Variants in SRC observed in about 807,000 individuals in gnomAD.
SRC encodes the protein proto-oncogene tyrosine-protein kinase Src.
In SRC, 13 loss-of-function variants were observed where a neutral mutation model predicts 62.9. That is an observed-to-expected ratio of 0.21 (90% CI 0.13 to 0.33). The LOEUF (loss-of-function observed/expected upper bound fraction) is 0.33. SRC is among the 10% of genes least tolerant of loss of function. The pLI is 1.00. For missense variants in SRC, 457 were observed against 737.3 expected, an observed-to-expected ratio of 0.62 and a Z score of 4.40; for synonymous variants, 302 against 317.5, an observed-to-expected ratio of 0.95 and a Z score of 0.52.
intron 9 of SRC, 102 bp from the exon 10 acceptor site, chr20:37,400,013 G>A: frequency 8.4e-7 from 1 of 1,195,222 alleles, no homozygotes; most frequent in Non-Finnish European, 1.1e-6. Flanking sequence ...CATGGCTGTG[G>A]AGGCCACAGC....
chr20:37,380,170 G>A (rs747427565), intron 2 of SRC, among the ~76,000 whole-genome samples: 2 of 152,082 alleles, frequency 1.3e-5, no homozygotes, highest in Non-Finnish European at 2.9e-5. Context: ...GCTCAAGGAC[G>A]TTCTGCTCGG....
intron 9 of SRC, among the ~76,000 whole-genome samples, chr20:37,399,498 T>G (rs1333228542): frequency 6.6e-6 from 1 of 151,970 alleles, no homozygotes; most frequent in African/African-American, 2.4e-5. Flanking sequence ...ACCGGTTGAG[T>G]TGGAACCTTG....
rs149158994 is a variant in SRC at position 37,396,303 on chromosome 20, A to G, written c.695A>G (p.Tyr232Cys). 5.0e-6 allele frequency: 8 copies of G among 1,613,344 alleles called. No homozygotes were observed. The highest frequency in any genetic ancestry group is 5.1e-6 in the Non-Finnish European group (6 of 1,179,952). The change falls in exon 8 of 14, where the codon TAC becomes TGC. Residue 232 changes from tyrosine to cysteine, a missense_variant. By Grantham distance (194) the Tyr-to-Cys change is radical (BLOSUM62 -2). Transcript: ENST00000373578. This position sits in a 1 kb window ranked among gnomAD's most constrained non-coding sequence, Gnocchi z 6.1. ...AACAGCCTGCAGCAGCTGGTGGCCT[A>G]CTACTCCAGTGAGCCAGCCTCGGAG... is the stretch of plus-strand genomic sequence containing the variant. ...QFNSLQQLVA[Y>C]YSKHADGLCH... is the part of the protein sequence containing the mutation.
At chr20:37,368,518 C>CTTTTGTTTTTTTTTTTTTTT (rs2070101278) in intron 2 of SRC, among the ~76,000 whole-genome samples, 1 of 73,898 alleles carries the variant, frequency 1.4e-5, no homozygotes, top group Non-Finnish European at 2.7e-5. Flanking sequence ...CCTATATTTT[C>CTTTTGTTTTTTTTTTTTTTT]TTTTTTTTTT....
rs745420108 is a variant in SRC at position 37,405,935 on chromosome 20, A to C, written c.*2556A>C. 2 of 152,212 alleles carry C rather than the reference A, an allele frequency of 1.3e-5. No homozygotes were observed. Among genetic ancestry groups the C allele is most frequent in the Admixed American group, 1.3e-4 (2 of 15,262 alleles). 9.4% of individuals were successfully genotyped at this position (152,212 alleles called of 1,614,324 possible). A position where few individuals can be genotyped will look rare whatever the true frequency, so the allele number is the denominator to read the frequency against. ...ACACAGTCTTGAAGGTTGATTTGCAACCGTCTATACAAACACATTTATTTT... is the reference window on the plus strand; with the variant it reads ...ACACAGTCTTGAAGGTTGATTTGCACCCGTCTATACAAACACATTTATTTT... On this transcript the variant is annotated 3_prime_UTR_variant, in exon 14 of 14. Coordinates refer to ENST00000373578, the MANE Select transcript of SRC (RefSeq NM_198291.3).
intron 1 of SRC, among the ~76,000 whole-genome samples, chr20:37,359,682 G>C (rs1051811722): frequency 3.9e-5 from 6 of 152,106 alleles, no homozygotes; most frequent in African/African-American, 1.4e-4. Context: ...AGAGGAGGGC[G>C]GATCAGGGAG....
At chr20:37,348,650 G>A (rs1228596082) in intron 1 of SRC, among the ~76,000 whole-genome samples, 1 of 152,138 alleles carries the variant, frequency 6.6e-6, no homozygotes, top group Non-Finnish European at 1.5e-5. Context: ...TGAGGTGGTG[G>A]GGTGTGGTCA....
intron 9 of SRC, among the ~76,000 whole-genome samples, chr20:37,399,548 C>CT (rs112296863): frequency 2.3e-3 from 323 of 141,342 alleles, no homozygotes; most frequent in African/African-American, 2.2e-3. Flanking sequence ...CTTTTTAGGA[C>CT]TTTTTTTTTT....
rs939630165 is a variant in SRC at position 37,396,522 on chromosome 20, T to C, written c.703+211T>C. On this transcript the variant is annotated intron_variant, in intron 8 of 13. Transcript: ENST00000373578. This position sits in a 1 kb window ranked among gnomAD's most constrained non-coding sequence, Gnocchi z 6.1. ...TCTTTCCCCCAGCCCCCCTCCTCCCTGTCCCCCTCTCTCCCTGCTCCACGC... is the reference window on the plus strand; with the variant it reads ...TCTTTCCCCCAGCCCCCCTCCTCCCCGTCCCCCTCTCTCCCTGCTCCACGC... 4 of 633,976 alleles carry C rather than the reference T, an allele frequency of 6.3e-6. No homozygotes were observed. In the African/African-American group the frequency reaches 7.4e-5, roughly 12 times the overall value. 39.3% of individuals were successfully genotyped at this position (633,976 alleles called of 1,614,324 possible).
chr20:37,396,111 C>G lies in SRC; in HGVS notation c.554-51C>G. The G allele has an allele frequency of 1.3e-6, 2 of 1,595,198 alleles. No individual in the cohort carries two copies. The highest frequency in any genetic ancestry group is 2.2e-5 in the South Asian group (2 of 89,970). ...CACAGAACGGTGTCCAGAGCAGCGG[C>G]CTGCGGGGGGAGAGGGCATGGCGGT... is the stretch of plus-strand genomic sequence containing the variant. On this transcript the variant is annotated intron_variant, in intron 7 of 13. Transcript: ENST00000373578. This position sits in a 1 kb window ranked among gnomAD's most constrained non-coding sequence, Gnocchi z 6.1.
intron 5 of SRC, among the ~76,000 whole-genome samples, chr20:37,393,361 C>G (rs1180799088): frequency 6.6e-6 from 1 of 152,208 alleles, no homozygotes. Flanking sequence ...GTCACTGGGT[C>G]CCAGCAGGGC....
chr20:37,349,569 C>T (rs2069770856), intron 1 of SRC, among the ~76,000 whole-genome samples: 1 of 152,190 alleles, frequency 6.6e-6, no homozygotes, highest in Non-Finnish European at 1.5e-5. Context: ...GGCTGTGTGC[C>T]CAGTGTCTGG....
chr20:37,387,603 C>T (rs1033667849), intron 5 of SRC, among the ~76,000 whole-genome samples: 4 of 152,230 alleles, frequency 2.6e-5, no homozygotes, highest in African/African-American at 9.6e-5. Context: ...CTTGCATGGC[C>T]GAGTCCTGGT....
In SRC at chr20:37,402,955, C is replaced by G. The variant is rs1382546040; in HGVS notation, c.1402+75C>G. ...GGTGGCCTTGGGCAAGTCATGACTC[C>G]TGCTGGGCCTGTTTCCCCACCCGTA... On this transcript the variant is annotated intron_variant, in intron 13 of 13. Coordinates refer to ENST00000373578, the MANE Select transcript of SRC (RefSeq NM_198291.3). This position sits in a 1 kb window ranked among gnomAD's most constrained non-coding sequence, Gnocchi z 6.2. The G allele has an allele frequency of 6.5e-7, 1 of 1,528,358 alleles. No individual in the cohort carries two copies. The highest frequency in any genetic ancestry group is 8.8e-7 in the Non-Finnish European group (1 of 1,138,884). The allele number at this position is 1,528,358 out of a possible 1,614,324, so 94.7% of individuals were successfully genotyped here.
At chr20:37,375,139 C>T (rs1242514507) in intron 2 of SRC, among the ~76,000 whole-genome samples, 11 of 150,082 alleles carry the variant, frequency 7.3e-5, no homozygotes, top group Non-Finnish European at 1.6e-4. Flanking sequence ...CCATGTTGGC[C>T]AGGCTGATCT....
upstream of SRC, chr20:37,344,982 G>C (rs923607598): frequency 6.6e-6 from 1 of 152,262 alleles, no homozygotes; most frequent in African/African-American, 2.4e-5. Context: ...GTAGAGTAAG[G>C]CTTTGCTCAT....
At chr20:37,401,025 C>T (rs1841654783) in intron 10 of SRC, among the ~76,000 whole-genome samples, 1 of 151,814 alleles carries the variant, frequency 6.6e-6, no homozygotes, top group African/African-American at 2.4e-5. Context: ...GAGATGAGGT[C>T]TTGCTATGTT....
At position 37,398,126 on chromosome 20, in the gene SRC, C is replaced by T. The variant is rs2070685989; in HGVS notation, c.859+272C>T. Among the ~76,000 whole-genome samples, 1 of 152,144 alleles carries T rather than the reference C, an allele frequency of 6.6e-6. No individual in the cohort carries two copies. The highest frequency in any genetic ancestry group is 6.5e-5 in the Admixed American group (1 of 15,286). On this transcript the variant is annotated intron_variant, in intron 9 of 13. Coordinates refer to ENST00000373578, the MANE Select transcript of SRC (RefSeq NM_198291.3). This position sits in a 1 kb window ranked among gnomAD's most constrained non-coding sequence, Gnocchi z 5.2. Reference sequence around the variant, plus strand: ...TGCTGTGTAGGCTGGGCCCGGTGGCCTCACTCAGAGCCTCAGTCTTCCCGA... The same window carrying T: ...TGCTGTGTAGGCTGGGCCCGGTGGCTTCACTCAGAGCCTCAGTCTTCCCGA...
chr20:37,405,255 G>A lies in SRC; in HGVS notation c.*1876G>A. The A allele has an allele frequency of 6.0e-6, 1 of 167,924 alleles. No individual in the cohort carries two copies. The highest frequency in any genetic ancestry group is 1.2e-5 in the Non-Finnish European group (1 of 82,998). 10.4% of individuals were successfully genotyped at this position (167,924 alleles called of 1,614,324 possible). On this transcript the variant is annotated 3_prime_UTR_variant, in exon 14 of 14. Coordinates refer to ENST00000373578, the MANE Select transcript of SRC (RefSeq NM_198291.3). ...CTTTTTTTTTTTTTAACAGTGTTTT[G>A]TAGATTTCAGATGACTATGCAGAGG... is the stretch of plus-strand genomic sequence containing the variant.
Sources: gnomAD v4.1 joint callset for allele counts (sites outside exome capture counted in the v4.1 genomes callset) on GRCh38, gnomAD v4.1.1 for gene constraint, Gnocchi (gnomAD v3.1) non-coding constraint, MANE v1.5 for transcripts, NCBI Gene and HGNC (gene_info 2026-07-23, HGNC 2026-07-21) for gene names.